GSG1L: variants seen among roughly 807,000 people sequenced by gnomAD.
GSG1L encodes germ cell-specific gene 1-like protein.
Under a neutral mutation model 42.1 loss-of-function variants are expected in GSG1L, and 24 were observed. The ratio of observed to expected loss-of-function variants is 0.57; its 90% CI spans 0.41 to 0.80. The LOEUF is 0.80. Ranked by LOEUF, GSG1L falls within the 30% of genes least tolerant of loss-of-function variation. The pLI is 0.00. For synonymous variants in GSG1L, 215 were observed against 203.5 expected (o/e 1.06, Z -0.48); for missense variants, 445 against 472.2 (o/e 0.94, Z 0.53).
intron 1 of GSG1L, among the ~76,000 whole-genome samples, chr16:28,054,372 C>T (rs949780980): frequency 3.9e-5 from 6 of 152,154 alleles, no homozygotes; most frequent in African/African-American, 1.4e-4. Context: ...ATCTCACCCA[C>T]ATCACCCACA....
At chr16:27,979,769 G>GAAAGAAGGAAA (rs2085303278) in intron 1 of GSG1L, among the ~76,000 whole-genome samples, 1 of 43,222 alleles carries the variant, frequency 2.3e-5, no homozygotes, top group African/African-American at 1.0e-4. Context: ...AAAGAAAGAA[G>GAAAGAAGGAAA]GAAAGAAAGA....
At chr16:27,925,485 T>C (rs1244747936) in intron 2 of GSG1L, among the ~76,000 whole-genome samples, 2 of 152,154 alleles carry the variant, frequency 1.3e-5, no homozygotes, top group African/African-American at 4.8e-5. Flanking sequence ...CCCAGAATGT[T>C]GTGGTCATGG....
intron 1 of GSG1L, among the ~76,000 whole-genome samples, chr16:28,021,453 G>A (rs979238658): frequency 2.0e-5 from 3 of 152,144 alleles, no homozygotes; most frequent in Admixed American, 6.5e-5. Context: ...TTTGGTTCGT[G>A]TTCACCTGTA....
chr16:27,939,361 CA>C (rs975460453), intron 2 of GSG1L, among the ~76,000 whole-genome samples: 120 of 152,306 alleles, frequency 7.9e-4, no homozygotes, highest in African/African-American at 2.9e-3. Flanking sequence ...CTCCTGGACT[CA>C]AGTGATCCTC....
chr16:27,914,502 C>T (rs1156876038), intron 2 of GSG1L, among the ~76,000 whole-genome samples: 1 of 151,352 alleles, frequency 6.6e-6, no homozygotes, highest in African/African-American at 2.4e-5. Flanking sequence ...AGCGTTTTCT[C>T]TTTCTTTTCC....
intron 6 of GSG1L, among the ~76,000 whole-genome samples, chr16:27,799,222 C>T (rs946951923): frequency 5.6e-4 from 84 of 150,120 alleles, no homozygotes; most frequent in Non-Finnish European, 1.0e-3. Context: ...TGGGCAAGAC[C>T]CCATATCTAC....
chr16:27,891,606 G>A (rs146866326), intron 2 of GSG1L, among the ~76,000 whole-genome samples: 139 of 152,112 alleles, frequency 9.1e-4, no homozygotes, highest in African/African-American at 3.3e-3. Context: ...CCAAGTAGCT[G>A]GAACTACAGG....
chr16:27,841,366 CCTT>C (rs1252477717), intron 4 of GSG1L, among the ~76,000 whole-genome samples: 1 of 152,208 alleles, frequency 6.6e-6, no homozygotes, highest in African/African-American at 2.4e-5. Flanking sequence ...ACCATGGAGA[CCTT>C]CTACTTCTTG....
intron 2 of GSG1L, among the ~76,000 whole-genome samples, chr16:27,924,665 C>A (rs1433971868): frequency 1.3e-5 from 2 of 152,174 alleles, no homozygotes; most frequent in Non-Finnish European, 2.9e-5. Flanking sequence ...CCTGACTCAA[C>A]TCCCTTAAGC....
intron 3 of GSG1L, among the ~76,000 whole-genome samples, chr16:27,857,427 C>CAAA (rs11401928): frequency 0.011 from 1,334 of 124,818 alleles, 29 homozygotes; most frequent in African/African-American, 0.038. Flanking sequence ...GACTACATCT[C>CAAA]AAAAAAAAAA....
At position 27,995,377 on chromosome 16, in the gene GSG1L, C is replaced by G. The variant is rs2085504712; in HGVS notation, c.350-32174G>C. ...ATGGAGAAATCATAATAAAACCCCA[C>G]GGTGGGTAAAGAATCTATGTAAACG... is the stretch of plus-strand genomic sequence containing the variant. On this transcript the variant is annotated intron_variant, in intron 1 of 6. Coordinates refer to ENST00000447459, the MANE Select transcript of GSG1L (RefSeq NM_001109763.2). Among the ~76,000 whole-genome samples the G allele has an allele frequency of 1.3e-5, 2 of 152,082 alleles. 1 individual carries two copies. Among genetic ancestry groups the G allele is most frequent in the Admixed American group, 1.3e-4 (2 of 15,278 alleles).
intron 2 of GSG1L, among the ~76,000 whole-genome samples, chr16:27,938,128 A>G (rs1052732944): frequency 1.4e-4 from 22 of 152,072 alleles, no homozygotes; most frequent in African/African-American, 5.3e-4. Context: ...CCATGCAGAG[A>G]GGCGCCCCTT....
intron 3 of GSG1L, among the ~76,000 whole-genome samples, chr16:27,867,869 A>G (rs557782522): frequency 1.3e-5 from 2 of 152,304 alleles, no homozygotes; most frequent in Admixed American, 6.5e-5. Context: ...TTTCCGGCTG[A>G]GTCGGAGCCT....
Position 28,056,064 on chromosome 16 carries a change from G to A in GSG1L, c.349+7012C>T, listed in dbSNP as rs76464878. On this transcript the variant is annotated intron_variant, in intron 1 of 6. Transcript: ENST00000447459. ...ACGGAGTAGAGAGCCCCGGCCTCTCGCTGCCCACAGAAGCCCTGAGAAGTC... is the reference window on the plus strand; with the variant it reads ...ACGGAGTAGAGAGCCCCGGCCTCTCACTGCCCACAGAAGCCCTGAGAAGTC... Among the ~76,000 whole-genome samples, 654 of 152,216 alleles carry A rather than the reference G, an allele frequency of 4.3e-3. 6 individuals carry two copies. Among genetic ancestry groups the A allele is most frequent in the African/African-American group, 0.015 (604 of 41,534 alleles).
chr16:27,893,497 G>A (rs551015129), intron 2 of GSG1L, among the ~76,000 whole-genome samples: 1 of 152,176 alleles, frequency 6.6e-6, no homozygotes, highest in African/African-American at 2.4e-5. Flanking sequence ...ACACAAGCCC[G>A]ACATTTGGAA....
intron 1 of GSG1L, among the ~76,000 whole-genome samples, chr16:28,038,089 A>G (rs1213393318): frequency 6.6e-6 from 1 of 152,196 alleles, no homozygotes; most frequent in Non-Finnish European, 1.5e-5. Context: ...GCAGTTAAAC[A>G]ATTTGCAGTT....
Position 27,927,048 on chromosome 16 carries a change from C to G in GSG1L, c.397+36108G>C, listed in dbSNP as rs552415321. On this transcript the variant is annotated intron_variant, in intron 2 of 6. Transcript: ENST00000447459. ...CAACCCTCCCTCCACCCTTGCTCAC[C>G]CAGACTGTGGTAGCCTCCTGACAGG... 2.6e-5 allele frequency among the ~76,000 whole-genome samples: 4 copies of G among 152,286 alleles called. No individual in the cohort carries two copies. In the South Asian group the frequency reaches 8.3e-4, roughly 32 times the overall value.
At chr16:27,959,772 A>G (rs1555510916) in intron 2 of GSG1L, among the ~76,000 whole-genome samples, 2 of 152,084 alleles carry the variant, frequency 1.3e-5, no homozygotes, top group Non-Finnish European at 2.9e-5. Context: ...ACAGAGCAAG[A>G]CCCCATCTCA....
intron 5 of GSG1L, among the ~76,000 whole-genome samples, chr16:27,808,623 T>C (rs2082995486): frequency 6.6e-6 from 1 of 152,188 alleles, no homozygotes; most frequent in African/African-American, 2.4e-5. Context: ...TTCACCATGT[T>C]GGCCAGTCTG....
Sources: gnomAD v4.1 joint callset for allele counts (sites outside exome capture counted in the v4.1 genomes callset) on GRCh38, gnomAD v4.1.1 for gene constraint, MANE v1.5 for transcripts, NCBI Gene and HGNC (gene_info 2026-07-23, HGNC 2026-07-21) for gene names.